The following PTPRN2 variants were observed in gnomAD, a reference collection of about 807,000 sequenced individuals.
PTPRN2 encodes the protein receptor-type tyrosine-protein phosphatase N2.
A neutral mutation model predicts 118.8 loss-of-function variants in PTPRN2; 74 were observed. That is an observed-to-expected ratio of 0.62 (90% CI 0.52 to 0.76). The LOEUF (loss-of-function observed/expected upper bound fraction) is 0.76, where lower values mean the gene tolerates loss of function less well. Among genes scored for constraint, PTPRN2 ranks in the 30% least tolerant of loss-of-function variants. The pLI is 0.00. For synonymous variants in PTPRN2, 641 were observed against 608.0 expected, an observed-to-expected ratio of 1.05 and a Z score of -0.80; for missense variants, 1,481 against 1,394.4, an observed-to-expected ratio of 1.06 and a Z score of -0.99.
intron 1 of PTPRN2, among the ~76,000 whole-genome samples, chr7:158,556,910 C>T (rs989739910): frequency 6.9e-6 from 1 of 145,764 alleles, no homozygotes; most frequent in Non-Finnish European, 1.5e-5. Flanking sequence ...CCGTGCAGGT[C>T]GCTCCCACGC....
intron 11 of PTPRN2, among the ~76,000 whole-genome samples, chr7:158,076,720 G>A (rs538326245): frequency 6.6e-6 from 1 of 152,180 alleles, no homozygotes; most frequent in African/African-American, 2.4e-5. Context: ...GCTAGTCCCT[G>A]TGCTCTGCCC....
chr7:157,602,447 C>T (rs1272280371), intron 16 of PTPRN2, among the ~76,000 whole-genome samples: 1 of 151,046 alleles, frequency 6.6e-6, no homozygotes, highest in East Asian at 2.0e-4. Flanking sequence ...TCAGTGGCCG[C>T]TGAGACCAGC....
In PTPRN2 at chr7:157,540,616, T is replaced by C; in HGVS notation, c.*98A>G. 1 of 1,025,870 alleles carries C rather than the reference T, an allele frequency of 9.7e-7. No individual in the cohort carries two copies. Among genetic ancestry groups the C allele is most frequent in the Non-Finnish European group, 1.4e-6 (1 of 691,400 alleles). 63.5% of individuals were successfully genotyped at this position (1,025,870 alleles called of 1,614,324 possible). A position where few individuals can be genotyped will look rare whatever the true frequency, so the allele number is the denominator to read the frequency against. ...ACGGGAGAGCTAAGGGCCCTATTAC[T>C]ATGCAGTTATAATAGAAGACACACA... On this transcript the variant is annotated 3_prime_UTR_variant, in exon 23 of 23. Transcript: ENST00000389418.
At chr7:158,104,304 G>A (rs1312629853) in intron 10 of PTPRN2, among the ~76,000 whole-genome samples, 2 of 152,206 alleles carry the variant, frequency 1.3e-5, no homozygotes, top group Non-Finnish European at 2.9e-5. Context: ...GAGGTCAGGT[G>A]AATCTCAGGC....
chr7:158,057,528 T>A (rs1208589099), intron 11 of PTPRN2, among the ~76,000 whole-genome samples: 1 of 152,190 alleles, frequency 6.6e-6, no homozygotes, highest in Non-Finnish European at 1.5e-5. Context: ...GAGTTCTGGA[T>A]TCTTTCCTAG....
At chr7:158,219,360 T>C (rs1828179813) in intron 3 of PTPRN2, among the ~76,000 whole-genome samples, 1 of 152,142 alleles carries the variant, frequency 6.6e-6, no homozygotes, top group Non-Finnish European at 1.5e-5. Flanking sequence ...AAAAATTATT[T>C]GAAACTAATG....
intron 2 of PTPRN2, among the ~76,000 whole-genome samples, chr7:158,449,564 CAT>C (rs1370551692): frequency 1.3e-5 from 2 of 151,142 alleles, no homozygotes; most frequent in African/African-American, 4.9e-5. Context: ...AAGCAAGACA[CAT>C]AGCGCGGGCC....
At chr7:157,582,026 C>T (rs532518261) in intron 17 of PTPRN2, among the ~76,000 whole-genome samples, 1 of 152,354 alleles carries the variant, frequency 6.6e-6, no homozygotes, top group Admixed American at 6.5e-5. Flanking sequence ...GAGAGCGTGG[C>T]CCTGCTCACA....
chr7:157,712,098 G>A (rs13438162), intron 12 of PTPRN2, among the ~76,000 whole-genome samples: 20,054 of 72,064 alleles, frequency 0.28, 3,005 homozygotes, highest in Non-Finnish European at 0.38. Flanking sequence ...CCATGAGTGG[G>A]GGGAGGGGCT....
rs1427032346 is a variant in PTPRN2 at position 157,569,065 on chromosome 7, G to A, written c.2838-99C>T. The A allele has an allele frequency of 4.3e-6, 5 of 1,153,848 alleles. No individual in the cohort carries two copies. The East Asian group carries it at 1.2e-4, about 27-fold the overall frequency. The allele number at this position is 1,153,848 out of a possible 1,614,324, so 71.5% of individuals were successfully genotyped here. The stretch of plus-strand genomic sequence containing the variant: ...GTTCATTTCCTTCCTGCTTACGGGG[G>A]CCGGCGAGAGGAAAGGATGGCGGAT... On this transcript the variant is annotated intron_variant, in intron 20 of 22. Transcript: ENST00000389418.
At chr7:158,143,866 C>T (rs1220019780) in intron 6 of PTPRN2, among the ~76,000 whole-genome samples, 2 of 152,160 alleles carry the variant, frequency 1.3e-5, no homozygotes, top group African/African-American at 4.8e-5. Context: ...CACCACAAGG[C>T]CTGGGAGCCT....
chr7:158,476,332 G>A (rs1586760355), intron 2 of PTPRN2, among the ~76,000 whole-genome samples: 2 of 152,170 alleles, frequency 1.3e-5, no homozygotes, highest in East Asian at 1.9e-4. Context: ...CAGACACATC[G>A]TTTCTCCACT....
chr7:157,661,018 T>C (rs139411663), intron 13 of PTPRN2, among the ~76,000 whole-genome samples: 2,336 of 152,260 alleles, frequency 0.015, 51 homozygotes, highest in African/African-American at 0.053. Flanking sequence ...CCTCGCAAAG[T>C]GTTGGGATTA....
chr7:158,381,175 C>A (rs1177906157), intron 2 of PTPRN2, among the ~76,000 whole-genome samples: 2 of 152,204 alleles, frequency 1.3e-5, no homozygotes, highest in Non-Finnish European at 2.9e-5. Flanking sequence ...GTTACTTAGG[C>A]AAATTTCCAC....
chr7:158,206,176 TCTC>T (rs1005556449), intron 3 of PTPRN2, among the ~76,000 whole-genome samples: 6 of 152,098 alleles, frequency 3.9e-5, no homozygotes, highest in Non-Finnish European at 5.9e-5. Flanking sequence ...ACTCCTTCCT[TCTC>T]CTTGAGGAGA....
At chr7:158,550,174 G>A (rs1465555170) in intron 1 of PTPRN2, among the ~76,000 whole-genome samples, 4 of 152,214 alleles carry the variant, frequency 2.6e-5, no homozygotes, top group African/African-American at 9.6e-5. Flanking sequence ...GACTCCTCGA[G>A]CTCCTCGGAG....
intron 3 of PTPRN2, among the ~76,000 whole-genome samples, chr7:158,271,647 A>C (rs148773953): frequency 6.6e-6 from 1 of 152,232 alleles, no homozygotes; most frequent in South Asian, 2.1e-4. Context: ...GCAGGCTGCT[A>C]TAAGAAAATA....
At chr7:158,203,289 A>AAGG (rs1217863667) in intron 4 of PTPRN2, among the ~76,000 whole-genome samples, 1 of 150,886 alleles carries the variant, frequency 6.6e-6, no homozygotes, top group African/African-American at 2.4e-5. Context: ...GGAAGGAAGG[A>AAGG]AGGGAGGAAG....
chr7:158,310,721 AGC>A, intron 3 of PTPRN2, among the ~76,000 whole-genome samples: 1 of 144,920 alleles, frequency 6.9e-6, no homozygotes, highest in African/African-American at 2.6e-5. Context: ...AGCCGGACAG[AGC>A]GCAAGTCCCA....
Sources: allele counts gnomAD v4.1 joint callset (sites outside exome capture counted in the v4.1 genomes callset), GRCh38; gene constraint gnomAD v4.1.1; transcripts MANE v1.5; gene names NCBI Gene and HGNC (gene_info 2026-07-23, HGNC 2026-07-21).